TFPI: variants seen among roughly 807,000 people sequenced by gnomAD.
The protein encoded by TFPI is anti-convertin.
Under a neutral mutation model 34.6 loss-of-function variants are expected in TFPI, and 15 were observed. That is an observed-to-expected ratio of 0.43 (90% CI 0.29 to 0.67). The LOEUF (loss-of-function observed/expected upper bound fraction) is 0.67. Among genes scored for constraint, TFPI ranks in the 30% least tolerant of loss-of-function variants. TFPI has a pLI of 0.15. For missense variants in TFPI, 301 were observed against 364.0 expected, an observed-to-expected ratio of 0.83 and a Z score of 1.41; for synonymous variants, 105 against 120.1, an observed-to-expected ratio of 0.87 and a Z score of 0.82.
intron 4 of TFPI, 77 bp from the exon 5 acceptor site, chr2:187,485,064 A>G: frequency 1.7e-6 from 2 of 1,152,726 alleles, no homozygotes; most frequent in Non-Finnish European, 2.3e-6. Flanking sequence ...ATTTATAAAT[A>G]CCTGGCTAAG....
rs557299098 is a variant in TFPI at position 187,487,923 on chromosome 2, A to G, written c.358+414T>C. Among the ~76,000 whole-genome samples the G allele has an allele frequency of 1.7e-4, 25 of 151,500 alleles. No individual in the cohort carries two copies. In the East Asian group the frequency reaches 4.2e-3, roughly 26 times the overall value. Reference sequence around the variant, plus strand: ...ATTAACAAGTGATTAGAGATCAGAGAAATAAAGTTAAGACTCAAAATATCT... The same window carrying G: ...ATTAACAAGTGATTAGAGATCAGAGGAATAAAGTTAAGACTCAAAATATCT... On this transcript the variant is annotated intron_variant, in intron 4 of 7. Transcript: ENST00000233156.
intron 1 of TFPI, among the ~76,000 whole-genome samples, chr2:187,521,065 T>TA (rs1377480224): frequency 3.9e-5 from 6 of 152,076 alleles, no homozygotes; most frequent in African/African-American, 1.2e-4. Flanking sequence ...TAGAGATTGG[T>TA]ATTAGAAACC....
Position 187,470,932 on chromosome 2 carries a change from A to G in TFPI, c.629-3000T>C, listed in dbSNP as rs1001833151. The stretch of plus-strand genomic sequence containing the variant: ...CTGATGCAATGTCAGTTGTTTATCT[A>G]TCTTACTTTGCCCTGATTTCAACCA... On this transcript the variant is annotated intron_variant, in intron 6 of 7. Coordinates refer to ENST00000233156, the MANE Select transcript of TFPI (RefSeq NM_006287.6). Among the ~76,000 whole-genome samples the G allele has an allele frequency of 4.6e-5, 7 of 152,320 alleles. No homozygotes were observed. In the East Asian group the frequency reaches 1.2e-3, roughly 25 times the overall value.
intron 6 of TFPI, 65 bp from the exon 7 acceptor site, chr2:187,467,997 A>G (rs1691808685): frequency 7.5e-7 from 1 of 1,341,078 alleles, no homozygotes; most frequent in South Asian, 1.8e-5. Context: ...TTCGTATTGT[A>G]TATTGTTTAT....
chr2:187,550,916 TATC>T (rs1181985244), intron 1 of TFPI, among the ~76,000 whole-genome samples: 3 of 152,074 alleles, frequency 2.0e-5, no homozygotes, highest in African/African-American at 4.8e-5. Flanking sequence ...ACAGATGAAT[TATC>T]ATAGAATTCA....
At chr2:187,518,740 G>C (rs116754113) in intron 1 of TFPI, 2,199 of 152,218 alleles carry the variant, frequency 0.014, 54 homozygotes, top group African/African-American at 0.049. Context: ...GTGTTTTCCA[G>C]CTCCTTTCCA....
chr2:187,514,216 A>G (rs1216453057), intron 1 of TFPI: 1 of 152,274 alleles, frequency 6.6e-6, no homozygotes, highest in Non-Finnish European at 1.5e-5. Context: ...GGTTACCAAG[A>G]TGCAAATGCC....
At chr2:187,488,418 T>G in intron 3 of TFPI, 43 bp from the exon 4 acceptor site, 1 of 1,291,098 alleles carries the variant, frequency 7.7e-7, no homozygotes, top group Non-Finnish European at 1.1e-6. Flanking sequence ...TCACAATTTA[T>G]AAAGTAATAC....
At position 187,464,566 on chromosome 2, in the gene TFPI, G is replaced by A. The variant is rs548641955; in HGVS notation, c.*2370C>T. On this transcript the variant is annotated 3_prime_UTR_variant, in exon 8 of 8. Coordinates refer to ENST00000233156, the MANE Select transcript of TFPI (RefSeq NM_006287.6). ...GGTTATTGTTGGAGAAAACAATTAG[G>A]CAACTCATCAATGCGCTATTTATAC... The A allele has an allele frequency of 6.6e-6, 1 of 152,196 alleles. No individual in the cohort carries two copies. The highest frequency in any genetic ancestry group is 2.1e-4 in the South Asian group (1 of 4,822). The allele number at this position is 152,196 out of a possible 1,614,324, so 9.4% of individuals were successfully genotyped here. A position where few individuals can be genotyped will look rare whatever the true frequency, so the allele number is the denominator to read the frequency against.
chr2:187,488,954 G>A (rs899642468), intron 3 of TFPI, among the ~76,000 whole-genome samples: 1 of 151,478 alleles, frequency 6.6e-6, no homozygotes, highest in African/African-American at 2.4e-5. Flanking sequence ...TGGAATGTTA[G>A]TTGTCTTTGT....
chr2:187,477,638 A>C (rs1692472177), intron 6 of TFPI, among the ~76,000 whole-genome samples: 1 of 152,202 alleles, frequency 6.6e-6, no homozygotes, highest in Non-Finnish European at 1.5e-5. Context: ...AGATAATAAC[A>C]AGGAGATAAT....
intron 2 of TFPI, among the ~76,000 whole-genome samples, chr2:187,498,892 C>T (rs959348515): frequency 1.3e-5 from 2 of 151,892 alleles, no homozygotes; most frequent in African/African-American, 4.8e-5. Flanking sequence ...AAATCTTTAA[C>T]TAAAGTTGAG....
At chr2:187,546,283 T>G (rs999327980) in intron 1 of TFPI, among the ~76,000 whole-genome samples, 4 of 26,640 alleles carry the variant, frequency 1.5e-4, no homozygotes, top group Non-Finnish European at 3.1e-4. Context: ...AATTTGTAAG[T>G]TTTTTTTTTT....
chr2:187,549,054 C>T (rs964553610), intron 1 of TFPI, among the ~76,000 whole-genome samples: 1 of 152,040 alleles, frequency 6.6e-6, no homozygotes, highest in Non-Finnish European at 1.5e-5. Context: ...TACAGATTTC[C>T]TTTCTTCATT....
chr2:187,480,899 T>C (rs552801883), intron 6 of TFPI, among the ~76,000 whole-genome samples: 404 of 152,206 alleles, frequency 2.7e-3, no homozygotes, highest in Non-Finnish European at 5.1e-3. Context: ...AGTATTCAAG[T>C]ATCTCGAATC....
chr2:187,493,547 T>C (rs1685262795), intron 3 of TFPI, among the ~76,000 whole-genome samples: 1 of 152,222 alleles, frequency 6.6e-6, no homozygotes, highest in South Asian at 2.1e-4. Context: ...CCTCAGAGAA[T>C]GTAATTTTCT....
At chr2:187,495,482 C>G (rs751825396) in intron 3 of TFPI, among the ~76,000 whole-genome samples, 10 of 152,150 alleles carry the variant, frequency 6.6e-5, no homozygotes, top group Non-Finnish European at 1.5e-4. Flanking sequence ...ACTGAGCTGC[C>G]TAAACTGTGT....
rs114282516 is a variant in TFPI at position 187,532,328 on chromosome 2, A to G, written c.-3+21872T>C. ...GAAACAGCTCTGGTCTGCAGCTTCC[A>G]GTGAGATCAATGCAGAAGGTGCGTG... On this transcript the variant is annotated intron_variant, in intron 1 of 7. Transcript: ENST00000233156. 4.4e-3 allele frequency among the ~76,000 whole-genome samples: 669 copies of G among 152,362 alleles called. 10 individuals carry two copies. Among genetic ancestry groups the G allele is most frequent in the African/African-American group, 0.015 (625 of 41,592 alleles).
At chr2:187,549,777 T>C (rs1359933186) in intron 1 of TFPI, among the ~76,000 whole-genome samples, 2 of 152,116 alleles carry the variant, frequency 1.3e-5, no homozygotes, top group Non-Finnish European at 2.9e-5. Context: ...TTTATATTCA[T>C]CTTTTGTTTT....
Sources: gnomAD v4.1 joint callset for allele counts (sites outside exome capture counted in the v4.1 genomes callset) on GRCh38, gnomAD v4.1.1 for gene constraint, MANE v1.5 for transcripts, NCBI Gene and HGNC (gene_info 2026-07-23, HGNC 2026-07-21) for gene names.